Variants in ATP9A observed in about 807,000 individuals in gnomAD.
The protein encoded by ATP9A is probable phospholipid-transporting ATPase IIA.
ATP9A carries 52 observed loss-of-function variants against 144.1 expected under a neutral mutation model. The ratio of observed to expected loss-of-function variants is 0.36; its 90% CI spans 0.29 to 0.45. The LOEUF is 0.45. Among genes scored for constraint, ATP9A ranks in the 20% least tolerant of loss-of-function variants. The probability of loss-of-function intolerance (pLI) is 1.00; values close to 1 mark genes in which losing one functional copy is unlikely to be tolerated. For synonymous variants in ATP9A, 582 were observed against 557.4 expected, an observed-to-expected ratio of 1.04 and a Z score of -0.62; for missense variants, 947 against 1,392.7, an observed-to-expected ratio of 0.68 and a Z score of 5.09.
intron 1 of ATP9A, among the ~76,000 whole-genome samples, chr20:51,741,089 T>C (rs1313670124): frequency 6.6e-6 from 1 of 152,120 alleles, no homozygotes; most frequent in Non-Finnish European, 1.5e-5. Context: ...AAATTCCTTT[T>C]CCCTGGCCAC....
At chr20:51,751,082 G>A (rs993292201) in intron 1 of ATP9A, among the ~76,000 whole-genome samples, 14 of 152,096 alleles carry the variant, frequency 9.2e-5, no homozygotes, top group Admixed American at 8.5e-4. Flanking sequence ...AGGGGCATCA[G>A]GAAGGAAGAA....
At chr20:51,695,511 G>A (rs1158436049) in intron 6 of ATP9A, among the ~76,000 whole-genome samples, 1 of 151,602 alleles carries the variant, frequency 6.6e-6, no homozygotes, top group East Asian at 1.9e-4. Context: ...AGACTCATAG[G>A]GTGGGCAGGC....
At chr20:51,681,898 C>T (rs1175643871) in intron 9 of ATP9A, among the ~76,000 whole-genome samples, 1 of 152,168 alleles carries the variant, frequency 6.6e-6, no homozygotes, top group Non-Finnish European at 1.5e-5. Context: ...GAAAAACAAA[C>T]AGGCATATGA....
At chr20:51,675,251 T>C (rs1202794429) in intron 10 of ATP9A, among the ~76,000 whole-genome samples, 4 of 152,216 alleles carry the variant, frequency 2.6e-5, no homozygotes, top group Non-Finnish European at 5.9e-5. Context: ...ATAGTTGTAA[T>C]GATGGCTGTA....
rs1568820933 is a variant in ATP9A at position 51,687,802 on chromosome 20, T to TGAAA, written c.799+1258_799+1261dup. On this transcript the variant is annotated intron_variant, in intron 9 of 27. Transcript: ENST00000338821. ...ATGAATGAATGAATGAATGAATGAATGAAAGAGAGAAGCAACCAGCAGAGT... is the reference window on the plus strand; with the variant it reads ...ATGAATGAATGAATGAATGAATGAATGAAAGAAAGAGAGAAGCAACCAGCAGAGT... 2.4e-3 allele frequency among the ~76,000 whole-genome samples: 355 copies of TGAAA among 150,834 alleles called. 2 individuals carry two copies. Among genetic ancestry groups the TGAAA allele is most frequent in the African/African-American group, 7.8e-3 (321 of 40,988 alleles).
intron 1 of ATP9A, among the ~76,000 whole-genome samples, chr20:51,761,528 A>G (rs372395512): frequency 8.5e-5 from 13 of 152,194 alleles, no homozygotes; most frequent in African/African-American, 1.9e-4. Flanking sequence ...TTGGGAGGCC[A>G]AGGCGGGCAG....
At chr20:51,749,541 G>A (rs887181911) in intron 1 of ATP9A, among the ~76,000 whole-genome samples, 1 of 152,186 alleles carries the variant, frequency 6.6e-6, no homozygotes, top group African/African-American at 2.4e-5. Context: ...TGGGATTATA[G>A]GCGTGAGCCA....
intron 18 of ATP9A, among the ~76,000 whole-genome samples, chr20:51,624,479 A>T (rs1464733525): frequency 6.6e-6 from 1 of 152,100 alleles, no homozygotes; most frequent in Non-Finnish European, 1.5e-5. Flanking sequence ...CGCCACTGGT[A>T]GAGTGCAAAA....
At chr20:51,626,369 A>G (rs1185967779) in intron 17 of ATP9A, among the ~76,000 whole-genome samples, 1 of 152,040 alleles carries the variant, frequency 6.6e-6, no homozygotes, top group East Asian at 1.9e-4. Context: ...CATGCCTGTA[A>G]TCCCAGCTAC....
At position 51,682,577 on chromosome 20, in the gene ATP9A, C is replaced by CTTTTTTTTTTTTTTTTTTTTTTTT. The variant is rs60505207; in HGVS notation, c.800-6393_800-6370dup. On this transcript the variant is annotated intron_variant, in intron 9 of 27. Transcript: ENST00000338821. ...TAAAGTGTGTTGCTTTTCACTGTATCTTTTTTTTTTTTTTTTTTTTTTTTT... is the reference window on the plus strand; with the variant it reads ...TAAAGTGTGTTGCTTTTCACTGTATCTTTTTTTTTTTTTTTTTTTTTTTTTTTTTTTTTTTTTTTTTTTTTTTTT... Among the ~76,000 whole-genome samples, 11 of 35,084 alleles carry CTTTTTTTTTTTTTTTTTTTTTTTT rather than the reference C, an allele frequency of 3.1e-4. 2 individuals are homozygous for CTTTTTTTTTTTTTTTTTTTTTTTT. Among genetic ancestry groups the CTTTTTTTTTTTTTTTTTTTTTTTT allele is most frequent in the African/African-American group, 4.1e-4 (4 of 9,820 alleles). The allele number at this position is 35,084 out of a possible 152,430, so 23.0% of individuals were successfully genotyped here.
At chr20:51,637,052 C>T (rs1366857820) in intron 15 of ATP9A, among the ~76,000 whole-genome samples, 1 of 152,200 alleles carries the variant, frequency 6.6e-6, no homozygotes, top group African/African-American at 2.4e-5. Flanking sequence ...GATGGCACCG[C>T]TGTACTCCAG....
chr20:51,718,803 A>G (rs2077674274), intron 3 of ATP9A, among the ~76,000 whole-genome samples: 1 of 126,496 alleles, frequency 7.9e-6, no homozygotes, highest in African/African-American at 3.1e-5. Flanking sequence ...CAACAGAGCA[A>G]GACTCCATCT....
chr20:51,685,423 G>C (rs998498902), intron 9 of ATP9A, among the ~76,000 whole-genome samples: 2 of 152,132 alleles, frequency 1.3e-5, no homozygotes, highest in South Asian at 2.1e-4. Context: ...TTAGCTGGGC[G>C]TGTTGGCGGG....
chr20:51,665,536 T>C (rs887979772), intron 13 of ATP9A, among the ~76,000 whole-genome samples: 3 of 151,890 alleles, frequency 2.0e-5, no homozygotes, highest in South Asian at 2.1e-4. Context: ...CTGGCCAACA[T>C]GGTGAAACCC....
chr20:51,636,343 G>A (rs537352742), intron 15 of ATP9A, among the ~76,000 whole-genome samples: 71 of 152,214 alleles, frequency 4.7e-4, no homozygotes, highest in African/African-American at 1.7e-3. Context: ...GCTTATTTCC[G>A]GAATTTTCCA....
At chr20:51,765,686 T>G (rs1436222652) in intron 1 of ATP9A, among the ~76,000 whole-genome samples, 2 of 145,508 alleles carry the variant, frequency 1.4e-5, no homozygotes, top group Non-Finnish European at 3.0e-5. Flanking sequence ...CCAAGCACGG[T>G]GGCTCACGTC....
intron 16 of ATP9A, 63 bp downstream of exon 16, chr20:51,628,917 C>T: frequency 1.4e-6 from 2 of 1,411,652 alleles, no homozygotes; most frequent in Non-Finnish European, 2.0e-6. Context: ...CCTTACCATG[C>T]AAGGGGCTGC....
rs1377440869 is a variant in ATP9A, at chr20:51,677,489, G to A, written c.800-1281C>T. ...TTGTACTGGTGAATGCTGGTCTACG[G>A]GGCCCAGCGGCTTCTAATGGAAGGT... On this transcript the variant is annotated intron_variant, in intron 9 of 27. Coordinates refer to ENST00000338821, the MANE Select transcript of ATP9A (RefSeq NM_006045.3). Among the ~76,000 whole-genome samples, 4 of 152,150 alleles carry A rather than the reference G, an allele frequency of 2.6e-5. No homozygotes were observed. In the East Asian group the frequency reaches 5.8e-4, roughly 22 times the overall value.
intron 1 of ATP9A, among the ~76,000 whole-genome samples, chr20:51,731,888 G>T (rs974225813): frequency 7.9e-5 from 12 of 151,998 alleles, no homozygotes; most frequent in Non-Finnish European, 1.3e-4. Context: ...CTATATAAAG[G>T]AAAAGGGGGA....
Sources: allele counts gnomAD v4.1 joint callset (sites outside exome capture counted in the v4.1 genomes callset), GRCh38; gene constraint gnomAD v4.1.1; transcripts MANE v1.5; gene names NCBI Gene and HGNC (gene_info 2026-07-23, HGNC 2026-07-21).